EOGT: variants seen among roughly 807,000 people sequenced by gnomAD.
EOGT encodes the protein EGF domain-specific O-linked N-acetylglucosamine transferase.
In EOGT, 55 loss-of-function variants were observed where a neutral mutation model predicts 70.5. The observed-to-expected ratio is 0.78, with a 90% CI of 0.63 to 0.98. The LOEUF (loss-of-function observed/expected upper bound fraction) is 0.98. Ranked by LOEUF, EOGT falls within the 50% of genes least tolerant of loss-of-function variation. The pLI is 0.00. For missense variants in EOGT, 703 were observed against 641.9 expected, an observed-to-expected ratio of 1.10 and a Z score of -1.03; for synonymous variants, 246 against 217.1, an observed-to-expected ratio of 1.13 and a Z score of -1.17.
chr3:69,004,945 C>G (rs976512206), intron 7 of EOGT, among the ~76,000 whole-genome samples, 195 bp downstream of exon 7: 8 of 151,694 alleles, frequency 5.3e-5, no homozygotes, highest in Admixed American at 3.9e-4. Flanking sequence ...CTTCTGTATC[C>G]CAGCTACTTG....
rs1436785724 is a variant in EOGT at position 68,977,658 on chromosome 3, T to G, written c.1544A>C (p.His515Pro). Reference protein sequence around the residue: ...VLQAADHVLQHPKWPFKKKHD... With the variant: ...VLQAADHVLQPPKWPFKKKHD... Reference sequence around the variant, plus strand: ...TTTCTTCTTAAATGGCCACTTTGGGTGTTGCAATACGTGGTCTGCAGCCTG... The same window carrying G: ...TTTCTTCTTAAATGGCCACTTTGGGGGTTGCAATACGTGGTCTGCAGCCTG... The change falls in exon 18 of 18, where the codon CAC becomes CCC. Residue 515 changes from histidine (H) to proline (P), a missense_variant. Coordinates refer to ENST00000383701, the MANE Select transcript of EOGT (RefSeq NM_001278689.2). The G allele has an allele frequency of 6.2e-7, 1 of 1,613,938 alleles. No individual in the cohort carries two copies. The highest frequency in any genetic ancestry group is 1.1e-5 in the South Asian group (1 of 91,006).
chr3:69,001,084 G>A (rs948876290), intron 9 of EOGT, among the ~76,000 whole-genome samples: 1 of 151,830 alleles, frequency 6.6e-6, no homozygotes, highest in Admixed American at 6.6e-5. Flanking sequence ...AACCTCCCGA[G>A]TAGCTGGGAC....
Position 69,007,934 on chromosome 3 carries a change from A to G in EOGT, c.312-113T>C, listed in dbSNP as rs563428365. On this transcript the variant is annotated intron_variant, in intron 5 of 17. Transcript: ENST00000383701. ...TTCCTTATTACTTTAATTTTGTTAC[A>G]GTATATTATCATAGTTTTTCCAAAA... 5.7e-5 allele frequency: 39 copies of G among 680,260 alleles called. No homozygotes were observed. The East Asian group carries it at 1.1e-3, about 19-fold the overall frequency. 42.1% of individuals were successfully genotyped at this position (680,260 alleles called of 1,614,324 possible).
chr3:68,983,863 T>A (rs2090724068), intron 14 of EOGT, among the ~76,000 whole-genome samples: 1 of 152,108 alleles, frequency 6.6e-6, no homozygotes, highest in African/African-American at 2.4e-5. Flanking sequence ...CTCGGGAGGC[T>A]AAGAGAAGAG....
At chr3:68,978,581 G>C in intron 16 of EOGT, 146 bp from the exon 17 acceptor site, 1 of 561,336 alleles carries the variant, frequency 1.8e-6, no homozygotes, top group Non-Finnish European at 3.1e-6. Context: ...ACAAGACTGA[G>C]GAAGAGAATG....
At position 68,977,163 on chromosome 3, in the gene EOGT, G is replaced by A. The variant is rs4855349; in HGVS notation, c.*455C>T. 0.2 allele frequency: 31,366 copies of A among 160,044 alleles called. 3,425 individuals carry two copies. Among genetic ancestry groups the A allele is most frequent in the East Asian group, 0.43 (2,216 of 5,162 alleles). The allele number at this position is 160,044 out of a possible 1,614,324, so 9.9% of individuals were successfully genotyped here. ...TGACAGAGTGAAACTGTATCTCAAC[G>A]ACAACAACAAAAATTTAGCCAGGTG... is the stretch of plus-strand genomic sequence containing the variant. On this transcript the variant is annotated 3_prime_UTR_variant, in exon 18 of 18. Transcript: ENST00000383701.
chr3:68,991,163 C>T (rs2090983462), intron 10 of EOGT, among the ~76,000 whole-genome samples: 1 of 152,200 alleles, frequency 6.6e-6, no homozygotes. Flanking sequence ...TGAATAAGAA[C>T]CACCTCCAAA....
intron 15 of EOGT, among the ~76,000 whole-genome samples, chr3:68,982,098 G>A (rs936710083): frequency 6.6e-6 from 1 of 152,050 alleles, no homozygotes; most frequent in Non-Finnish European, 1.5e-5. Flanking sequence ...TAGTAGAGAT[G>A]GGGTTGCACC....
chr3:69,007,604 A>G (rs1268116642), intron 6 of EOGT, 109 bp downstream of exon 6: 1 of 513,274 alleles, frequency 1.9e-6, no homozygotes, highest in African/African-American at 2.1e-5. Context: ...GTGAGCTGGG[A>G]TCGCGCCACT....
intron 10 of EOGT, among the ~76,000 whole-genome samples, chr3:68,991,186 AT>A (rs2090983812): frequency 6.6e-6 from 1 of 152,342 alleles, no homozygotes; most frequent in Middle Eastern, 3.4e-3. Flanking sequence ...CTTCTTTTCC[AT>A]GTTTCCCAAG....
intron 7 of EOGT, 49 bp downstream of exon 7, chr3:69,005,091 A>T (rs746351956): frequency 8.9e-7 from 1 of 1,126,966 alleles, no homozygotes; most frequent in South Asian, 1.4e-5. Flanking sequence ...CCTGGATCTG[A>T]AAATATTTCA....
At chr3:68,980,849 T>C (rs551592532) in intron 15 of EOGT, among the ~76,000 whole-genome samples, 1 of 152,320 alleles carries the variant, frequency 6.6e-6, no homozygotes, top group South Asian at 2.1e-4. Flanking sequence ...CATGCCAACA[T>C]GTTACTAGTA....
At position 69,004,456 on chromosome 3, in the gene EOGT, C is replaced by A. The variant is rs760561100; in HGVS notation, c.542G>T (p.Gly181Val). ...DRFKEDFFQS[G>V]EIGGHCKLDI... ...AAGTTTACAGTGCCCTCCAATTTCA[C>A]CACTCTGGAAAAAGTCCTCCTTAAA... Residue 181 changes from glycine (G) to valine (V), a missense_variant, in exon 8 of 18, where the codon GGT becomes GTT. By Grantham distance (109) the Gly-to-Val change is moderately radical (BLOSUM62 -3). Coordinates refer to ENST00000383701, the MANE Select transcript of EOGT (RefSeq NM_001278689.2). The A allele has an allele frequency of 6.2e-7, 1 of 1,613,860 alleles. No individual in the cohort carries two copies. The highest frequency in any genetic ancestry group is 8.5e-7 in the Non-Finnish European group (1 of 1,179,860).
At chr3:69,001,015 G>A (rs1575762928) in intron 9 of EOGT, among the ~76,000 whole-genome samples, 2 of 150,818 alleles carry the variant, frequency 1.3e-5, no homozygotes, top group East Asian at 2.0e-4. Flanking sequence ...GGAGTGCAGC[G>A]GCACGATCTT....
chr3:68,977,694 T>G lies in EOGT; in HGVS notation c.1508A>C (p.Tyr503Ser). The change falls in exon 18 of 18, where the codon TAT becomes TCT. Residue 503 changes from tyrosine to serine, a missense_variant. Transcript: ENST00000383701. ...GTGGTCTGCAGCCTGAAGGACAAGATACATAAATTCTTCTACATCGAAAGA... is the reference window on the plus strand; with the variant it reads ...GTGGTCTGCAGCCTGAAGGACAAGAGACATAAATTCTTCTACATCGAAAGA... ...NYSFDVEEFM[Y>S]LVLQAADHVL... 1 of 1,614,036 alleles carries G rather than the reference T, an allele frequency of 6.2e-7. No homozygotes were observed. Among genetic ancestry groups the G allele is most frequent in the Non-Finnish European group, 8.5e-7 (1 of 1,179,980 alleles).
intron 6 of EOGT, among the ~76,000 whole-genome samples, chr3:69,006,005 T>C (rs577502780): frequency 6.6e-6 from 1 of 152,228 alleles, no homozygotes; most frequent in South Asian, 2.1e-4. Flanking sequence ...CAAATTCATA[T>C]GTTGAAATTC....
chr3:69,005,072 A>G (rs1193970291), intron 7 of EOGT, 68 bp downstream of exon 7: 4 of 982,392 alleles, frequency 4.1e-6, no homozygotes, highest in African/African-American at 3.3e-5. Flanking sequence ...AAAAAAAAAA[A>G]AAAAAATCCC....
intron 10 of EOGT, among the ~76,000 whole-genome samples, chr3:68,996,969 C>T (rs939281011): frequency 4.6e-5 from 7 of 152,196 alleles, no homozygotes; most frequent in African/African-American, 1.7e-4. Flanking sequence ...TGACTGTTCA[C>T]ACACTACACG....
chr3:68,983,184 T>C (rs900109917), intron 14 of EOGT, among the ~76,000 whole-genome samples: 4 of 152,138 alleles, frequency 2.6e-5, no homozygotes, highest in African/African-American at 9.7e-5. Flanking sequence ...GGCACAGAAA[T>C]AGCTAACCAT....
Sources: allele counts gnomAD v4.1 joint callset (sites outside exome capture counted in the v4.1 genomes callset), GRCh38; gene constraint gnomAD v4.1.1; transcripts MANE v1.5; gene names NCBI Gene and HGNC (gene_info 2026-07-23, HGNC 2026-07-21).